Variants in TLK1 observed in about 807,000 individuals in gnomAD.
The protein encoded by TLK1 is tousled like kinase 1.
TLK1 carries 24 observed loss-of-function variants against 105.3 expected under a neutral mutation model. The ratio of observed to expected loss-of-function variants is 0.23; its 90% CI spans 0.17 to 0.32. TLK1 has a LOEUF of 0.32. TLK1 is among the 10% of genes least tolerant of loss of function. TLK1 has a pLI of 1.00. For synonymous variants in TLK1, 321 were observed against 310.4 expected (o/e 1.03, Z -0.36); for missense variants, 558 against 910.5 (o/e 0.61, Z 4.98).
chr2:171,082,662 A>C (rs1355118782), intron 3 of TLK1, 119 bp downstream of exon 3: 1 of 804,008 alleles, frequency 1.2e-6, no homozygotes, highest in Non-Finnish European at 2.1e-6. Flanking sequence ...ACATTCCTAT[A>C]AGAAACTTTA....
At chr2:171,046,110 A>G in intron 11 of TLK1, 64 bp downstream of exon 11, 2 of 1,307,950 alleles carry the variant, frequency 1.5e-6, no homozygotes, top group South Asian at 1.9e-5. Flanking sequence ...AATAACATCC[A>G]TTAGTAACAT....
In TLK1 at chr2:171,055,125, G is replaced by A. The variant is rs867189334; in HGVS notation, c.597C>T (p.His199=). 4.0e-6 allele frequency: 6 copies of A among 1,503,282 alleles called. 1 individual carries two copies. In the Middle Eastern group the frequency reaches 9.0e-4, roughly 224 times the overall value. 93.1% of individuals were successfully genotyped at this position (1,503,282 alleles called of 1,614,324 possible). Residue 199 remains histidine (H), a synonymous_variant, in exon 7 of 21, where the codon CAC becomes CAT. Transcript: ENST00000431350. ...PSPTALAFGD[H]PIVQPKQLSF... Reference sequence around the variant, plus strand: ...ATAATTGCTTTGGTTGTACAATAGGGTGGTCCCCAAATGCTAATGCAGTAG... The same window carrying A: ...ATAATTGCTTTGGTTGTACAATAGGATGGTCCCCAAATGCTAATGCAGTAG...
At position 171,053,728 on chromosome 2, in the gene TLK1, C is replaced by A. The variant is rs1260716695; in HGVS notation, c.732+33G>T. 5 of 1,481,792 alleles carry A rather than the reference C, an allele frequency of 3.4e-6. No individual in the cohort carries two copies. In the South Asian group the frequency reaches 6.2e-5, roughly 18 times the overall value. 91.8% of individuals were successfully genotyped at this position (1,481,792 alleles called of 1,614,324 possible). A position where few individuals can be genotyped will look rare whatever the true frequency, so the allele number is the denominator to read the frequency against. Reference sequence around the variant, plus strand: ...TTTGACTGTTGCCAAATAATTTATTCAATTTTTTTCCCCTCTATGACTCAT... The same window carrying A: ...TTTGACTGTTGCCAAATAATTTATTAAATTTTTTTCCCCTCTATGACTCAT... On this transcript the variant is annotated intron_variant, in intron 8 of 20. Coordinates refer to ENST00000431350, the MANE Select transcript of TLK1 (RefSeq NM_012290.5).
chr2:171,213,497 C>T (rs1454742690), intron 1 of TLK1, among the ~76,000 whole-genome samples: 2 of 151,810 alleles, frequency 1.3e-5, no homozygotes, highest in Non-Finnish European at 2.9e-5. Context: ...GCCACCATGC[C>T]AGGCCTATAT....
intron 3 of TLK1, among the ~76,000 whole-genome samples, chr2:171,068,142 C>T (rs1688096043): frequency 6.6e-6 from 1 of 152,124 alleles, no homozygotes; most frequent in Admixed American, 6.5e-5. Context: ...GCCTGGCCAA[C>T]ATGGCGAAAC....
chr2:171,047,752 GAATA>G (rs1049637596), intron 10 of TLK1, among the ~76,000 whole-genome samples: 19 of 152,006 alleles, frequency 1.2e-4, no homozygotes, highest in African/African-American at 4.3e-4. Context: ...AGAATTACTG[GAATA>G]GATATTAATA....
chr2:171,170,744 G>T (rs1444731182), intron 1 of TLK1, among the ~76,000 whole-genome samples: 1 of 152,202 alleles, frequency 6.6e-6, no homozygotes, highest in Non-Finnish European at 1.5e-5. Context: ...GTTGTTTGGT[G>T]CTTTATTTGC....
At chr2:171,056,424 A>G (rs1478093618) in intron 6 of TLK1, 47 bp downstream of exon 6, 1 of 1,514,282 alleles carries the variant, frequency 6.6e-7, no homozygotes, top group African/African-American at 1.4e-5. Context: ...TTCAGTGTAC[A>G]TAACCCTCCC....
At chr2:170,995,875 G>A (rs914808625) in intron 20 of TLK1, among the ~76,000 whole-genome samples, 4 of 152,110 alleles carry the variant, frequency 2.6e-5, no homozygotes, top group Admixed American at 6.6e-5. Flanking sequence ...GCTAATTTTT[G>A]TATTTTTAGT....
chr2:171,082,282 G>C (rs1052720572), intron 3 of TLK1, among the ~76,000 whole-genome samples: 1 of 151,968 alleles, frequency 6.6e-6, no homozygotes, highest in African/African-American at 2.4e-5. Flanking sequence ...GGGTAAAAGG[G>C]GGAGGGATTA....
chr2:171,031,065 A>T (rs968480197), intron 11 of TLK1, among the ~76,000 whole-genome samples: 2 of 152,028 alleles, frequency 1.3e-5, no homozygotes, highest in African/African-American at 4.8e-5. Context: ...CTCCCCAGAA[A>T]ATTTTACATA....
At chr2:171,001,466 G>A (rs553157098) in intron 18 of TLK1, among the ~76,000 whole-genome samples, 2 of 152,268 alleles carry the variant, frequency 1.3e-5, no homozygotes, top group African/African-American at 4.8e-5. Context: ...CCAAAAAAAG[G>A]GTTCCAATTG....
At chr2:171,135,359 G>A (rs1312416798) in intron 1 of TLK1, among the ~76,000 whole-genome samples, 2 of 150,288 alleles carry the variant, frequency 1.3e-5, no homozygotes, top group South Asian at 2.1e-4. Context: ...ACATGACACT[G>A]TACCCCATAA....
chr2:171,044,859 AG>A (rs1686869395), intron 11 of TLK1, among the ~76,000 whole-genome samples: 1 of 152,220 alleles, frequency 6.6e-6, no homozygotes, highest in Middle Eastern at 3.2e-3. Flanking sequence ...CGTAAGTTAA[AG>A]ACCCAAATGT....
chr2:171,075,369 G>T (rs1284507800), intron 3 of TLK1, among the ~76,000 whole-genome samples: 2 of 152,140 alleles, frequency 1.3e-5, no homozygotes, highest in African/African-American at 4.8e-5. Flanking sequence ...AGTAATTTAA[G>T]GTCAGTGGAT....
At chr2:171,098,904 T>C (rs1311596872) in intron 2 of TLK1, among the ~76,000 whole-genome samples, 1 of 152,112 alleles carries the variant, frequency 6.6e-6, no homozygotes, top group Non-Finnish European at 1.5e-5. Context: ...ACACCCTGTT[T>C]CTGATTTAAA....
Position 171,148,908 on chromosome 2 carries a change from T to C in TLK1, c.139+11382A>G, listed in dbSNP as rs928999150. On this transcript the variant is annotated intron_variant, in intron 1 of 20. Coordinates refer to ENST00000431350, the MANE Select transcript of TLK1 (RefSeq NM_012290.5). ...AAAAAAAAATATATATATATATATA[T>C]ATATGTGTGTGTGTGTGTGCGTGTG... 4.7e-4 allele frequency among the ~76,000 whole-genome samples: 65 copies of C among 139,496 alleles called. No homozygotes were observed. The East Asian group carries it at 0.011, about 23-fold the overall frequency. 91.5% of individuals were successfully genotyped at this position (139,496 alleles called of 152,430 possible).
chr2:171,149,443 T>C (rs986309465), intron 1 of TLK1, among the ~76,000 whole-genome samples: 3 of 152,152 alleles, frequency 2.0e-5, no homozygotes, highest in Non-Finnish European at 4.4e-5. Context: ...AACTATTATG[T>C]TATATTAACT....
chr2:171,004,129 C>T (rs1159698877), intron 18 of TLK1, among the ~76,000 whole-genome samples: 1 of 151,826 alleles, frequency 6.6e-6, no homozygotes, highest in African/African-American at 2.4e-5. Context: ...AACTTTTGTA[C>T]TTTTAGTATT....
Sources: allele counts gnomAD v4.1 joint callset (sites outside exome capture counted in the v4.1 genomes callset), GRCh38; gene constraint gnomAD v4.1.1; transcripts MANE v1.5; gene names NCBI Gene and HGNC (gene_info 2026-07-23, HGNC 2026-07-21).